RARB: variants seen among roughly 807,000 people sequenced by gnomAD.
RARB encodes the protein retinoic acid receptor beta.
In RARB, 17 loss-of-function variants were observed where a neutral mutation model predicts 51.9. The ratio of observed to expected loss-of-function variants is 0.33; its 90% CI spans 0.22 to 0.49. The LOEUF is 0.49. RARB is among the 20% of genes least tolerant of loss of function. The probability of loss-of-function intolerance (pLI) is 0.99; values close to 1 mark genes in which losing one functional copy is unlikely to be tolerated. For missense variants in RARB, 369 were observed against 550.8 expected (o/e 0.67, Z 3.30); for synonymous variants, 215 against 195.4 (o/e 1.10, Z -0.84).
At chr3:24,934,889 C>T (rs1695517821) in intron 2 of RARB, among the ~76,000 whole-genome samples, 1 of 152,032 alleles carries the variant, frequency 6.6e-6, no homozygotes, top group Non-Finnish European at 1.5e-5. Flanking sequence ...CAAATTGGTA[C>T]ATTTAAAAGT....
chr3:25,454,560 A>G (rs1694799931), intron 1 of RARB, among the ~76,000 whole-genome samples: 1 of 152,182 alleles, frequency 6.6e-6, no homozygotes, highest in Non-Finnish European at 1.5e-5. Context: ...TTAATCACAG[A>G]AGGTTCTAGT....
At chr3:24,903,329 A>AC (rs554185312) in intron 2 of RARB, among the ~76,000 whole-genome samples, 135 of 152,298 alleles carry the variant, frequency 8.9e-4, no homozygotes, top group African/African-American at 2.7e-3. Context: ...AAACACTAGT[A>AC]TAAGAAAAAG....
At chr3:24,939,919 A>C (rs972562461) in intron 2 of RARB, among the ~76,000 whole-genome samples, 34 of 152,312 alleles carry the variant, frequency 2.2e-4, no homozygotes, top group Admixed American at 7.2e-4. Flanking sequence ...ATATACACAA[A>C]TAACGTGTTT....
chr3:24,910,956 A>G (rs1415180890), intron 2 of RARB, among the ~76,000 whole-genome samples: 4 of 152,224 alleles, frequency 2.6e-5, no homozygotes, highest in Non-Finnish European at 5.9e-5. Flanking sequence ...CACAGGGCCA[A>G]CATAAGTTCT....
intron 2 of RARB, among the ~76,000 whole-genome samples, chr3:24,992,801 C>T (rs576344224): frequency 1.3e-5 from 2 of 152,250 alleles, no homozygotes; most frequent in East Asian, 3.9e-4. Flanking sequence ...CCTTCATTGT[C>T]CTTTTAAAGG....
intron 5 of RARB, among the ~76,000 whole-genome samples, chr3:25,393,121 C>T (rs1707018263): frequency 3.3e-5 from 5 of 152,004 alleles, no homozygotes; most frequent in Admixed American, 3.3e-4. Context: ...TTGTCAAATG[C>T]TTTTTTCTGT....
At chr3:25,007,131 C>T (rs1697289589) in intron 2 of RARB, among the ~76,000 whole-genome samples, 1 of 152,172 alleles carries the variant, frequency 6.6e-6, no homozygotes, top group South Asian at 2.1e-4. Flanking sequence ...AAAGATACAA[C>T]ATGAATGCAA....
intron 3 of RARB, among the ~76,000 whole-genome samples, chr3:25,069,068 T>C (rs897008127): frequency 6.6e-6 from 1 of 151,176 alleles, no homozygotes; most frequent in Non-Finnish European, 1.5e-5. Context: ...ATACTCATCA[T>C]GGTTTTTAAA....
At chr3:25,299,392 G>GT (rs1164909746) in intron 5 of RARB, among the ~76,000 whole-genome samples, 2 of 152,100 alleles carry the variant, frequency 1.3e-5, no homozygotes, top group East Asian at 3.9e-4. Context: ...TAGAGAAAGA[G>GT]TCTCACCATG....
chr3:25,250,377 G>GT (rs1702682308), intron 5 of RARB, among the ~76,000 whole-genome samples: 1 of 152,174 alleles, frequency 6.6e-6, no homozygotes, highest in African/African-American at 2.4e-5. Flanking sequence ...GAATGCTTGG[G>GT]TGGGGGCAGC....
intron 5 of RARB, among the ~76,000 whole-genome samples, chr3:25,302,370 A>G (rs75107883): frequency 0.039 from 5,908 of 152,334 alleles, 151 homozygotes; most frequent in Middle Eastern, 0.068. Flanking sequence ...CCAAATATTC[A>G]ACTGATGAAT....
intron 2 of RARB, among the ~76,000 whole-genome samples, chr3:25,029,484 A>G (rs1167894041): frequency 6.6e-6 from 1 of 152,232 alleles, no homozygotes; most frequent in Non-Finnish European, 1.5e-5. Context: ...AATAAATTCC[A>G]AGTGGAAAGT....
At chr3:25,427,890 C>T (rs945064165), upstream of RARB, among the ~76,000 whole-genome samples, 13 of 151,740 alleles carry the variant, frequency 8.6e-5, no homozygotes, top group African/African-American at 2.9e-4. Flanking sequence ...AGGCGGTGGG[C>T]GGGAGGCGAG....
chr3:25,002,672 G>A (rs1697187064), intron 2 of RARB, among the ~76,000 whole-genome samples: 1 of 151,976 alleles, frequency 6.6e-6, no homozygotes, highest in African/African-American at 2.4e-5. Context: ...TTATTTGCAT[G>A]TGTATATATA....
At chr3:25,252,385 A>G (rs377735934) in intron 5 of RARB, among the ~76,000 whole-genome samples, 51 of 152,290 alleles carry the variant, frequency 3.3e-4, no homozygotes, top group African/African-American at 1.1e-3. Flanking sequence ...TTCTGTAAAA[A>G]AACCAGCTAG....
intron 5 of RARB, among the ~76,000 whole-genome samples, chr3:25,198,543 A>G (rs1257850205): frequency 6.6e-6 from 1 of 151,890 alleles, no homozygotes; most frequent in African/African-American, 2.4e-5. Flanking sequence ...TAACCAGAAT[A>G]TAAAAACAAC....
At chr3:25,112,271 A>G (rs969276984) in intron 3 of RARB, among the ~76,000 whole-genome samples, 2 of 152,184 alleles carry the variant, frequency 1.3e-5, no homozygotes, top group East Asian at 1.9e-4. Context: ...CACCAAATAT[A>G]GAGGCCACAT....
intron 2 of RARB, among the ~76,000 whole-genome samples, chr3:25,034,033 C>CT (rs1337512185): frequency 1.3e-5 from 2 of 152,150 alleles, no homozygotes; most frequent in Non-Finnish European, 2.9e-5. Flanking sequence ...TCACTCTTGG[C>CT]TGAGCCTGTG....
In RARB at chr3:25,483,247, T is replaced by C. The variant is rs1696316876; in HGVS notation, c.307-17935T>C. Among the ~76,000 whole-genome samples the C allele has an allele frequency of 2.0e-5, 3 of 152,300 alleles. No individual in the cohort carries two copies. The South Asian group carries it at 6.2e-4, about 32-fold the overall frequency. Reference sequence around the variant, plus strand: ...GGGAATTGACTTTCAAGGAAGATAATGGGAAAACTTGGGGAAATTTTGCTA... The same window carrying C: ...GGGAATTGACTTTCAAGGAAGATAACGGGAAAACTTGGGGAAATTTTGCTA... On this transcript the variant is annotated intron_variant, in intron 2 of 7. Transcript: ENST00000330688.
Sources: allele counts gnomAD v4.1 joint callset (sites outside exome capture counted in the v4.1 genomes callset), GRCh38; gene constraint gnomAD v4.1.1; transcripts MANE v1.5; gene names NCBI Gene and HGNC (gene_info 2026-07-23, HGNC 2026-07-21).